Variants in SHANK2 observed in about 807,000 individuals in gnomAD.
The protein encoded by SHANK2 is SH3 and multiple ankyrin repeat domains protein 2.
SHANK2 carries 43 observed loss-of-function variants against 133.7 expected under a neutral mutation model. The ratio of observed to expected loss-of-function variants is 0.32; its 90% confidence interval spans 0.25 to 0.41. The LOEUF is 0.41. SHANK2 is among the 10% of genes least tolerant of loss of function. SHANK2 has a pLI of 1.00. For synonymous variants in SHANK2, 1,017 were observed against 952.8 expected (o/e 1.07, Z -1.24); for missense variants, 1,994 against 2,235.8 (o/e 0.89, Z 2.18).
chr11:70,711,228 C>T (rs1327945883), intron 14 of SHANK2, among the ~76,000 whole-genome samples: 1 of 152,214 alleles, frequency 6.6e-6, no homozygotes, highest in African/African-American at 2.4e-5. Flanking sequence ...CTTGAGTCCG[C>T]TCTGGCCACC....
chr11:71,080,056 C>T (rs1951277350), intron 8 of SHANK2, among the ~76,000 whole-genome samples: 1 of 152,264 alleles, frequency 6.6e-6, no homozygotes, highest in African/African-American at 2.4e-5. Flanking sequence ...AGAAGCAACA[C>T]TAACCTCCTT....
intron 14 of SHANK2, among the ~76,000 whole-genome samples, chr11:70,787,015 C>A (rs948764812): frequency 6.6e-6 from 1 of 151,610 alleles, no homozygotes; most frequent in African/African-American, 2.4e-5. Context: ...CCACGACCAC[C>A]ATCACCAGCA....
intron 15 of SHANK2, among the ~76,000 whole-genome samples, chr11:70,689,548 A>T (rs887907644): frequency 6.6e-6 from 1 of 152,222 alleles, no homozygotes; most frequent in Non-Finnish European, 1.5e-5. Context: ...ACTTCTAGGG[A>T]GGAAAATAAA....
At chr11:70,704,642 G>A (rs896630181) in intron 14 of SHANK2, among the ~76,000 whole-genome samples, 10 of 152,188 alleles carry the variant, frequency 6.6e-5, no homozygotes, top group East Asian at 3.9e-4. Context: ...GGAAGGACAC[G>A]GGCTATGGCC....
chr11:71,176,813 CA>C (rs1464114981), intron 2 of SHANK2, among the ~76,000 whole-genome samples: 1 of 151,810 alleles, frequency 6.6e-6, no homozygotes, highest in Non-Finnish European at 1.5e-5. Context: ...TATTTTTGGC[CA>C]AAAGTTATTC....
Position 70,473,576 on chromosome 11 carries a change from C to CGAAT in SHANK2, c.4980-141_4980-138dup. 1.2e-6 allele frequency: 1 copy of CGAAT among 823,568 alleles called. No individual in the cohort carries two copies. Among genetic ancestry groups the CGAAT allele is most frequent in the Non-Finnish European group, 2.0e-6 (1 of 499,432 alleles). The allele number at this position is 823,568 out of a possible 1,614,324, so 51.0% of individuals were successfully genotyped here. ...TAGTGGCAGATCCACTGGCAGTGAA[C>CGAAT]GAATGATTTGCCATGCCAGGGTGGG... On this transcript the variant is annotated intron_variant, in intron 25 of 25. Coordinates refer to ENST00000601538, the MANE Select transcript of SHANK2 (RefSeq NM_012309.5). This position sits in a 1 kb window ranked among gnomAD's most constrained non-coding sequence, Gnocchi z 5.9.
At chr11:70,802,249 C>G (rs1224829740) in intron 13 of SHANK2, among the ~76,000 whole-genome samples, 1 of 152,192 alleles carries the variant, frequency 6.6e-6, no homozygotes, top group Non-Finnish European at 1.5e-5. Context: ...CTATGGGCCC[C>G]ACATGCTTCC....
At position 71,117,969 on chromosome 11, in the gene SHANK2, T is replaced by C. The variant is rs187273728; in HGVS notation, c.411+860A>G. Among the ~76,000 whole-genome samples the C allele has an allele frequency of 9.2e-5, 14 of 152,322 alleles. No homozygotes were observed. The East Asian group carries it at 2.7e-3, about 29-fold the overall frequency. On this transcript the variant is annotated intron_variant, in intron 4 of 25. Coordinates refer to ENST00000601538, the MANE Select transcript of SHANK2 (RefSeq NM_012309.5). ...TTGACGTTTATGGAGGGCAGTCTTATGGGACTGAGCCCTTAAACTTGTAGT... is the reference window on the plus strand; with the variant it reads ...TTGACGTTTATGGAGGGCAGTCTTACGGGACTGAGCCCTTAAACTTGTAGT...
chr11:70,679,748 G>A (rs1944985923), intron 15 of SHANK2, among the ~76,000 whole-genome samples: 1 of 152,216 alleles, frequency 6.6e-6, no homozygotes, highest in Non-Finnish European at 1.5e-5. Flanking sequence ...TCTGTGGCCT[G>A]AGCAACAGAG....
Position 70,560,031 on chromosome 11 carries a change from C to G in SHANK2, c.2062-57100G>C, listed in dbSNP as rs782377284. On this transcript the variant is annotated intron_variant, in intron 17 of 25. Transcript: ENST00000601538. The stretch of plus-strand genomic sequence containing the variant: ...GGATTACGGGCACACACCACCACGC[C>G]AAGCTAATTTTTGGATTTTTAGTAG... Among the ~76,000 whole-genome samples, 28 of 152,208 alleles carry G rather than the reference C, an allele frequency of 1.8e-4. No homozygotes were observed. In the Middle Eastern group the frequency reaches 0.014, roughly 74 times the overall value.
chr11:70,853,054 A>C (rs1233950759), intron 11 of SHANK2, among the ~76,000 whole-genome samples: 14 of 152,252 alleles, frequency 9.2e-5, no homozygotes, highest in African/African-American at 3.1e-4. Context: ...CCCACTCGAC[A>C]GGCCATCTGG....
intron 6 of SHANK2, among the ~76,000 whole-genome samples, chr11:71,109,734 C>G (rs964377424): frequency 6.6e-6 from 1 of 152,270 alleles, no homozygotes; most frequent in Non-Finnish European, 1.5e-5. Flanking sequence ...CCAGGCCCCA[C>G]GCAAGATGCT....
chr11:70,530,719 C>G (rs140437939), intron 17 of SHANK2, among the ~76,000 whole-genome samples: 46 of 151,982 alleles, frequency 3.0e-4, no homozygotes, highest in Admixed American at 2.8e-3. Flanking sequence ...CAGTGGGTGC[C>G]CGGGGCTGGG....
At chr11:70,651,558 T>C (rs1028888797) in intron 17 of SHANK2, among the ~76,000 whole-genome samples, 2 of 152,316 alleles carry the variant, frequency 1.3e-5, no homozygotes, top group Admixed American at 6.5e-5. Context: ...GCTGTTGGCC[T>C]CAGAGACTGA....
intron 1 of SHANK2, among the ~76,000 whole-genome samples, chr11:71,239,073 C>A (rs1954857789): frequency 6.6e-6 from 1 of 152,264 alleles, no homozygotes; most frequent in South Asian, 2.1e-4. Flanking sequence ...GGGTCTTGAG[C>A]AAGGACTGGC....
Position 70,525,860 on chromosome 11 carries a change from C to T in SHANK2, c.2062-22929G>A, listed in dbSNP as rs79392636. On this transcript the variant is annotated intron_variant, in intron 17 of 25. Coordinates refer to ENST00000601538, the MANE Select transcript of SHANK2 (RefSeq NM_012309.5). ...AGTCCTGTTCTCAGAAGCTTCCTTC[C>T]CCCTCCCTGCTCTGTGACTCCTGTC... is the stretch of plus-strand genomic sequence containing the variant. Among the ~76,000 whole-genome samples, 1,448 of 152,002 alleles carry T rather than the reference C, an allele frequency of 9.5e-3. 10 individuals are homozygous for T. The highest frequency in any genetic ancestry group is 0.016 in the Non-Finnish European group (1,083 of 67,948).
chr11:71,191,209 A>T (rs1953785684), intron 2 of SHANK2, among the ~76,000 whole-genome samples: 1 of 152,146 alleles, frequency 6.6e-6, no homozygotes, highest in Admixed American at 6.5e-5. Context: ...TGAACGCAGC[A>T]CACTCAGCTG....
intron 14 of SHANK2, among the ~76,000 whole-genome samples, chr11:70,764,299 T>A (rs4246960): frequency 0.95 from 141,936 of 149,788 alleles, 67,250 homozygotes; most frequent in South Asian, 0.97. Context: ...TCACACATCA[T>A]TCCATCCTTT....
intron 8 of SHANK2, among the ~76,000 whole-genome samples, chr11:71,083,398 C>G (rs925075396): frequency 7.9e-4 from 121 of 152,254 alleles, no homozygotes; most frequent in African/African-American, 2.8e-3. Context: ...AAATGCCTCA[C>G]GTAAATTCTG....
Sources: gnomAD v4.1 joint callset for allele counts (sites outside exome capture counted in the v4.1 genomes callset) on GRCh38, gnomAD v4.1.1 for gene constraint, Gnocchi (gnomAD v3.1) non-coding constraint, MANE v1.5 for transcripts, NCBI Gene and HGNC (gene_info 2026-07-23, HGNC 2026-07-21) for gene names.